Variants in ATG2A observed in about 807,000 individuals in gnomAD.
ATG2A encodes autophagy-related protein 2 homolog A.
ATG2A carries 103 observed loss-of-function variants against 214.2 expected under a neutral mutation model. The ratio of observed to expected loss-of-function variants is 0.48; its 90% CI spans 0.41 to 0.57. The LOEUF is 0.57. Among genes scored for constraint, ATG2A ranks in the 20% least tolerant of loss-of-function variants. The pLI, the probability that ATG2A is intolerant of heterozygous loss-of-function variation, is 0.00. For missense variants in ATG2A, 2,312 were observed against 2,613.2 expected (o/e 0.88, Z 2.51); for synonymous variants, 1,160 against 1,142.1 (o/e 1.02, Z -0.32).
chr11:64,896,422 G>A (rs754069869), intron 39 of ATG2A, 40 bp downstream of exon 39: 94 of 1,573,612 alleles, frequency 6.0e-5, no homozygotes, highest in Non-Finnish European at 8.6e-6. Flanking sequence ...GGCTCCAGCT[G>A]CTCTGTCCTG....
At position 64,914,237 on chromosome 11, in the gene ATG2A, T is replaced by C. The variant is rs1944891666; in HGVS notation, c.335-4A>G. 6.4e-7 allele frequency: 1 copy of C among 1,551,866 alleles called. No individual in the cohort carries two copies. Among genetic ancestry groups the C allele is most frequent in the Non-Finnish European group, 8.7e-7 (1 of 1,147,210 alleles). On this transcript the variant is annotated splice_region_variant and splice_polypyrimidine_tract_variant and intron_variant, in intron 2 of 40. Transcript: ENST00000377264. ...TGTGAGTCGGCAGCCCCTGGCGCTGTAGGGAGAAACAGGGTCTCAAGGCAG... is the reference window on the plus strand; with the variant it reads ...TGTGAGTCGGCAGCCCCTGGCGCTGCAGGGAGAAACAGGGTCTCAAGGCAG...
At chr11:64,912,576 A>C in intron 6 of ATG2A, 153 bp from the exon 7 acceptor site, 1 of 615,700 alleles carries the variant, frequency 1.6e-6, no homozygotes, top group South Asian at 2.2e-5. Flanking sequence ...CCACAACTTG[A>C]CCTCTCAGCC....
chr11:64,902,697 G>A lies in ATG2A; in HGVS notation c.3613-17C>T, dbSNP rs374547734. ...TGGCTGGCTCTGCAGGGGCGGGGTGGGGGGAGCAGCTATGTGAACACAGGG... is the reference window on the plus strand; with the variant it reads ...TGGCTGGCTCTGCAGGGGCGGGGTGAGGGGAGCAGCTATGTGAACACAGGG... On this transcript the variant is annotated splice_polypyrimidine_tract_variant and intron_variant, in intron 26 of 40. Transcript: ENST00000377264. 1.0e-5 allele frequency: 16 copies of A among 1,602,546 alleles called. No homozygotes were observed. The highest frequency in any genetic ancestry group is 1.7e-5 in the Admixed American group (1 of 59,698).
chr11:64,914,802 A>G (rs1565079152), intron 1 of ATG2A, among the ~76,000 whole-genome samples: 1 of 151,730 alleles, frequency 6.6e-6, no homozygotes. Context: ...GGGTAAATAA[A>G]ATGTCTTCAT....
At position 64,913,830 on chromosome 11, in the gene ATG2A, C is replaced by T. The variant is rs758797236; in HGVS notation, c.581G>A (p.Arg194His). The T allele has an allele frequency of 2.3e-5, 37 of 1,613,078 alleles. No individual in the cohort carries two copies. The highest frequency in any genetic ancestry group is 8.8e-5 in the South Asian group (8 of 91,080). The change falls in exon 4 of 41, where the codon CGT becomes CAT. Residue 194 changes from arginine (R) to histidine (H), a missense_variant. Transcript: ENST00000377264. The surrounding 1 kb of genome is among the most constrained non-coding windows in gnomAD (Gnocchi z 4.3). ...ATCGGCCTGCCCTTACCTCTGCACA[C>T]GGACCTCGACGGCCACACCACGTTC... Reference protein sequence around the residue: ...DGERGVAVEVRVQRLEYCDEA... With the variant: ...DGERGVAVEVHVQRLEYCDEA...
intron 1 of ATG2A, 149 bp from the exon 2 acceptor site, chr11:64,914,649 G>A (rs1298290353): frequency 5.6e-6 from 6 of 1,078,630 alleles, no homozygotes; most frequent in Non-Finnish European, 7.9e-6. Flanking sequence ...CTATGCTCAT[G>A]CTGTCCCCTA....
At position 64,905,966 on chromosome 11, in the gene ATG2A, A is replaced by T. The variant is rs145849873; in HGVS notation, c.3265-118T>A. On this transcript the variant is annotated intron_variant, in intron 22 of 40. Transcript: ENST00000377264. Reference sequence around the variant, plus strand: ...ACCTTCTGCCCACTAGCTGTCTGCCACACCCCTTGCCCAGGAGCTCCGGAC... The same window carrying T: ...ACCTTCTGCCCACTAGCTGTCTGCCTCACCCCTTGCCCAGGAGCTCCGGAC... 3.1e-3 allele frequency: 4,202 copies of T among 1,374,698 alleles called. 15 individuals are homozygous for T. The highest frequency in any genetic ancestry group is 3.8e-3 in the Non-Finnish European group (3,746 of 997,204). 85.2% of individuals were successfully genotyped at this position (1,374,698 alleles called of 1,614,324 possible).
Position 64,895,391 on chromosome 11 carries a change from G to C in ATG2A, c.5479C>G (p.Arg1827Gly), listed in dbSNP as rs535616947. 1.9e-6 allele frequency: 3 copies of C among 1,610,192 alleles called. No homozygotes were observed. Among genetic ancestry groups the C allele is most frequent in the Non-Finnish European group, 2.5e-6 (3 of 1,177,960 alleles). Reference protein sequence around the residue: ...DILSPAAPVSRSLQDKRSARR... With the variant: ...DILSPAAPVSGSLQDKRSARR... ...GCAGAGCGCTTATCCTGCAGGGAGCGGGAGACGGGGGCTGCCGGGGACAGG... is the reference window on the plus strand; with the variant it reads ...GCAGAGCGCTTATCCTGCAGGGAGCCGGAGACGGGGGCTGCCGGGGACAGG... The change falls in exon 40 of 41, where the codon CGC becomes GGC. Residue 1827 changes from arginine (R) to glycine (G), a missense_variant. Coordinates refer to ENST00000377264, the MANE Select transcript of ATG2A (RefSeq NM_015104.3). This position sits in a 1 kb window ranked among gnomAD's most constrained non-coding sequence, Gnocchi z 5.0.
At chr11:64,899,761 G>A (rs1272280054) in intron 31 of ATG2A, among the ~76,000 whole-genome samples, 2 of 152,104 alleles carry the variant, frequency 1.3e-5, no homozygotes, top group Admixed American at 6.6e-5. Context: ...AAGCCCTGAG[G>A]GGTTCGTCTC....
chr11:64,907,199 C>T (rs539229101), intron 19 of ATG2A, 56 bp downstream of exon 19: 106 of 1,450,412 alleles, frequency 7.3e-5, no homozygotes, highest in South Asian at 4.5e-4. Context: ...TGGTCTTGCT[C>T]TGCCGCCAAT....
intron 31 of ATG2A, among the ~76,000 whole-genome samples, chr11:64,899,087 T>C (rs1466306420): frequency 6.6e-6 from 1 of 152,178 alleles, no homozygotes; most frequent in African/African-American, 2.4e-5. Context: ...CTAATTTTAG[T>C]AGAGACAGGG....
Position 64,913,400 on chromosome 11 carries a change from G to C in ATG2A, c.592C>G (p.Leu198Val), listed in dbSNP as rs1187986460. ...CGCACTGCCTCATCACAGTACTCCA[G>C]TCTGGAGAGTGTAGGGTCAGCCCGT... ...GVAVEVRVQR[L>V]EYCDEAVRDP... Residue 198 changes from leucine to valine, a missense_variant and splice_region_variant, in exon 5 of 41, where the codon CTG (leucine) becomes GTG (valine). By Grantham distance (32) the Leu-to-Val change is conservative (BLOSUM62 1). Transcript: ENST00000377264. This position sits in a 1 kb window ranked among gnomAD's most constrained non-coding sequence, Gnocchi z 4.3. 2 of 1,586,222 alleles carry C rather than the reference G, an allele frequency of 1.3e-6. No homozygotes were observed. The highest frequency in any genetic ancestry group is 3.5e-5 in the Admixed American group (2 of 57,490).
Position 64,914,494 on chromosome 11 carries a change from TCA to T in ATG2A, c.176_177del (p.Val59GlufsTer86), listed in dbSNP as rs1417173457. 6.2e-7 allele frequency: 1 copy of T among 1,612,362 alleles called. No individual in the cohort carries two copies. Among genetic ancestry groups the T allele is most frequent in the Admixed American group, 1.7e-5 (1 of 59,860 alleles). Reference sequence around the variant, plus strand: ...GACTCCATTGACTCCAGCACCTCGTTCACAGACTGGGAGCAAGCAAGAGACAA... The same window carrying T: ...GACTCCATTGACTCCAGCACCTCGTTCAGACTGGGAGCAAGCAAGAGACAA... Reference protein sequence around the residue: ...LRDIHLEIWSVNEVLESMESP... With the variant: ...LRDIHLEIWSXNEVLESMESP... On this transcript the variant is annotated frameshift_variant, in exon 2 of 41. Transcript: ENST00000377264. LOFTEE classifies it high-confidence loss of function.
intron 6 of ATG2A, 68 bp from the exon 7 acceptor site, chr11:64,912,491 C>T (rs1435847813): frequency 1.5e-6 from 2 of 1,332,518 alleles, no homozygotes; most frequent in Non-Finnish European, 1.0e-6. Context: ...CTACCACCCG[C>T]CTGCCCTCGC....
chr11:64,896,919 T>C, intron 37 of ATG2A, 50 bp from the exon 38 acceptor site: 1 of 1,603,458 alleles, frequency 6.2e-7, no homozygotes, highest in Non-Finnish European at 8.5e-7. Flanking sequence ...GAGCCACACA[T>C]GGAGGGATTG....
rs1271778915 is a variant in ATG2A at position 64,912,183 on chromosome 11, A to G, written c.989T>C (p.Ile330Thr). ...CAGCTGCTGGTTCAGGTCCTGCTCAATCAGCCACAGGTCTTCGGCACCTAG... is the reference window on the plus strand; with the variant it reads ...CAGCTGCTGGTTCAGGTCCTGCTCAGTCAGCCACAGGTCTTCGGCACCTAG... Reference protein sequence around the residue: ...RPLGAEDLWLIEQDLNQQLQA... With the variant: ...RPLGAEDLWLTEQDLNQQLQA... Residue 330 changes from isoleucine to threonine, a missense_variant, in exon 8 of 41, where the codon ATT becomes ACT. Physicochemically the swap from Ile to Thr is moderately conservative, Grantham distance 89. Coordinates refer to ENST00000377264, the MANE Select transcript of ATG2A (RefSeq NM_015104.3). 7 of 1,613,814 alleles carry G rather than the reference A, an allele frequency of 4.3e-6. No individual in the cohort carries two copies. Among genetic ancestry groups the G allele is most frequent in the Middle Eastern group, 1.6e-4 (1 of 6,082 alleles).
chr11:64,907,978 C>T (rs587746), intron 16 of ATG2A, 88 bp from the exon 17 acceptor site: 160 of 1,450,080 alleles, frequency 1.1e-4, no homozygotes, highest in Non-Finnish European at 1.4e-4. Context: ...GCCCTCCTGT[C>T]GTTCATCATT....
chr11:64,916,793 G>A, intron 1 of ATG2A, 172 bp downstream of exon 1: 1 of 832,382 alleles, frequency 1.2e-6, no homozygotes, highest in East Asian at 2.7e-5. Context: ...TCTGGCTCTG[G>A]TAAGGAACTG....
chr11:64,895,066 C>T lies in ATG2A; in HGVS notation c.5724G>A (p.Thr1908=), dbSNP rs369646573. ...VKPLILATEA[T]SSLLGGMRNQ... ...TGCGCATGCCCCCGAGCAGGCTGGA[C>T]GTGGCCTCCGTGGCCAGGATGAGCG... is the stretch of plus-strand genomic sequence containing the variant. Residue 1908 remains threonine, a synonymous_variant, in exon 41 of 41, where the codon ACG becomes ACA. Coordinates refer to ENST00000377264, the MANE Select transcript of ATG2A (RefSeq NM_015104.3). The surrounding 1 kb of genome is among the most constrained non-coding windows in gnomAD (Gnocchi z 5.0). 2.3e-5 allele frequency: 37 copies of T among 1,612,812 alleles called. No homozygotes were observed. Among genetic ancestry groups the T allele is most frequent in the South Asian group, 4.4e-5 (4 of 91,062 alleles).
Sources: gnomAD v4.1 joint callset for allele counts (sites outside exome capture counted in the v4.1 genomes callset) on GRCh38, gnomAD v4.1.1 for gene constraint, Gnocchi (gnomAD v3.1) non-coding constraint, MANE v1.5 for transcripts, NCBI Gene and HGNC (gene_info 2026-07-23, HGNC 2026-07-21) for gene names.